Variants in ZNF208 observed in about 807,000 individuals in gnomAD.
The protein encoded by ZNF208 is zinc finger protein 208.
In ZNF208, 10 loss-of-function variants were observed where a neutral mutation model predicts 12.1. That is an observed-to-expected ratio of 0.83 (90% CI 0.51 to 1.40). The LOEUF (loss-of-function observed/expected upper bound fraction) is 1.40. Among genes scored for constraint, ZNF208 ranks in the 40% most tolerant of loss-of-function variants. The probability of loss-of-function intolerance (pLI) is 0.00; values close to 1 mark genes in which losing one functional copy is unlikely to be tolerated. For missense variants in ZNF208, 1,652 were observed against 1,485.0 expected (o/e 1.11, Z -1.85); for synonymous variants, 497 against 488.4 (o/e 1.02, Z -0.23).
rs1206629681 is a variant in ZNF208 at position 21,973,886 on chromosome 19, G to C, written c.1148C>G (p.Thr383Ser). Residue 383 changes from threonine to serine, a missense_variant, in exon 4 of 4, where the codon ACC (threonine) becomes AGC (serine). This residue lies in a region of ZNF208 where 1,239 missense variants were observed against 1,086.2 expected (regional missense o/e 1.14). Coordinates refer to ENST00000397126, the MANE Select transcript of ZNF208 (RefSeq NM_007153.3). ...ECGKAYKWPS[T>S]LSYHKKIHTG... is the part of the protein sequence containing the mutation. ...ATGAATTTTCTTATGATAACTAAGGGTTGAGGGCCACTTATAGGCTTTGCC... is the reference window on the plus strand; with the variant it reads ...ATGAATTTTCTTATGATAACTAAGGCTTGAGGGCCACTTATAGGCTTTGCC... The C allele has an allele frequency of 1.9e-6, 3 of 1,608,834 alleles. No individual in the cohort carries two copies. Among genetic ancestry groups the C allele is most frequent in the Admixed American group, 3.4e-5 (2 of 59,534 alleles).
chr19:21,977,883 C>G (rs566063662), intron 3 of ZNF208, among the ~76,000 whole-genome samples: 1 of 152,158 alleles, frequency 6.6e-6, no homozygotes, highest in African/African-American at 2.4e-5. Context: ...CTGGGAAGCT[C>G]GAGCTTGGTG....
chr19:21,972,314 T>C lies in ZNF208; in HGVS notation c.2720A>G (p.His907Arg), dbSNP rs749794314. The C allele has an allele frequency of 1.9e-6, 3 of 1,613,762 alleles. No individual in the cohort carries two copies. Among genetic ancestry groups the C allele is most frequent in the Admixed American group, 3.3e-5 (2 of 59,942 alleles). The change falls in exon 4 of 4, where the codon CAT becomes CGT. Residue 907 changes from histidine to arginine, a missense_variant. This residue lies in a region of ZNF208 where 1,239 missense variants were observed against 1,086.2 expected (regional missense o/e 1.14). Coordinates refer to ENST00000397126, the MANE Select transcript of ZNF208 (RefSeq NM_007153.3). ...GFSMFSILTK[H>R]EVIHTGEKPY... ...TTTCTCTCCAGTATGAATTACCTCA[T>C]GTTTAGTAAGGATGGAGAACATACT... is the stretch of plus-strand genomic sequence containing the variant.
Position 21,971,403 on chromosome 19 carries a change from T to C in ZNF208, c.3631A>G (p.Thr1211Ala). ...ECGKAYKWPS[T>A]LRYHKKIHTG... The stretch of plus-strand genomic sequence containing the variant: ...TGAATTTTCTTGTGATATCTAAGGG[T>C]TGAGGGCCACTTATAGGCTTTGCCA... Residue 1211 changes from threonine (T) to alanine (A), a missense_variant, in exon 4 of 4, where the codon ACC (threonine) becomes GCC (alanine). Physicochemically the swap from Thr to Ala is moderately conservative, Grantham distance 58. Transcript: ENST00000397126. 1 of 1,609,708 alleles carries C rather than the reference T, an allele frequency of 6.2e-7. No homozygotes were observed. The highest frequency in any genetic ancestry group is 2.2e-5 in the East Asian group (1 of 44,784).
At position 21,966,113 on chromosome 19, in the gene ZNF208, T is replaced by C. The variant is rs550685400; in HGVS notation, c.*5078A>G. 6.6e-6 allele frequency: 1 copy of C among 152,180 alleles called. No homozygotes were observed. The highest frequency in any genetic ancestry group is 1.9e-4 in the East Asian group (1 of 5,176). The allele number at this position is 152,180 out of a possible 1,614,324, so 9.4% of individuals were successfully genotyped here. On this transcript the variant is annotated 3_prime_UTR_variant, in exon 4 of 4. Transcript: ENST00000397126. ...CATGTCATTATACCAAAAAACATTT[T>C]ATTATTTTTATTTTATATTTAAGGT...
At chr19:21,974,828 C>A in intron 3 of ZNF208, 21 bp from the exon 4 acceptor site, 2 of 1,509,596 alleles carry the variant, frequency 1.3e-6, no homozygotes, top group Non-Finnish European at 8.8e-7. Context: ...ATAAAAATCA[C>A]AAATTAGCCT....
In ZNF208 at chr19:21,971,181, C is replaced by T; in HGVS notation, c.*10G>A. 1.2e-6 allele frequency: 2 copies of T among 1,612,226 alleles called. No homozygotes were observed. Among genetic ancestry groups the T allele is most frequent in the Non-Finnish European group, 1.7e-6 (2 of 1,179,618 alleles). ...GGCCACTTATAGGCTTTGCCACATT[C>T]TTCACATTTCTAGAGTTTCTCTCCA... is the stretch of plus-strand genomic sequence containing the variant. On this transcript the variant is annotated 3_prime_UTR_variant, in exon 4 of 4. Coordinates refer to ENST00000397126, the MANE Select transcript of ZNF208 (RefSeq NM_007153.3).
rs1970364774 is a variant in ZNF208 at position 21,973,840 on chromosome 19, T to A, written c.1194A>T (p.Lys398Asn). The A allele has an allele frequency of 1.9e-6, 3 of 1,613,586 alleles. No homozygotes were observed. Among genetic ancestry groups the A allele is most frequent in the Non-Finnish European group, 2.5e-6 (3 of 1,179,870 alleles). ...TAAAACCTTTGCCACATTCTTCACATTTGTAGGGTTTCTCTCCAGTATGAA... is the reference window on the plus strand; with the variant it reads ...TAAAACCTTTGCCACATTCTTCACAATTGTAGGGTTTCTCTCCAGTATGAA... The part of the protein sequence containing the change: ...KKIHTGEKPY[K>N]CEECGKGFSM... Residue 398 changes from lysine to asparagine, a missense_variant, in exon 4 of 4, where the codon AAA (lysine) becomes AAT (asparagine). Physicochemically the swap from Lys to Asn is moderately conservative, Grantham distance 94. Coordinates refer to ENST00000397126, the MANE Select transcript of ZNF208 (RefSeq NM_007153.3).
Position 21,972,115 on chromosome 19 carries a change from G to C in ZNF208, c.2919C>G (p.Tyr973Ter), listed in dbSNP as rs1202750833. 4 of 1,609,976 alleles carry C rather than the reference G, an allele frequency of 2.5e-6. No individual in the cohort carries two copies. In the Admixed American group the frequency reaches 6.7e-5, roughly 27 times the overall value. ...AGCCTTTGCCACATTCTTCATATTTGTAAGGTTTCTCTTCAGTATGAATTT... is the reference window on the plus strand; with the variant it reads ...AGCCTTTGCCACATTCTTCATATTTCTAAGGTTTCTCTTCAGTATGAATTT... ...HKKIHTEEKPYKYEECGKGFS... is the reference protein window; with the variant it reads ...HKKIHTEEKP Residue 973 changes from tyrosine (Y) to a stop codon, truncating the protein, a stop_gained, in exon 4 of 4, where the codon TAC (tyrosine) becomes TAG (stop). Transcript: ENST00000397126. LOFTEE classifies it low-confidence loss of function (END_TRUNC).
At chr19:21,990,085 C>T (rs80045812) in intron 1 of ZNF208, among the ~76,000 whole-genome samples, 92,502 of 151,700 alleles carry the variant, frequency 0.61, 28,780 homozygotes, top group African/African-American at 0.71. Context: ...CTCTTTAGTT[C>T]AATTAGATCC....
chr19:21,949,713 C>A (rs1969863008), intron 4 of ZNF208, among the ~76,000 whole-genome samples: 1 of 152,160 alleles, frequency 6.6e-6, no homozygotes, highest in Non-Finnish European at 1.5e-5. Context: ...GGAGTTTTAA[C>A]TAAGGCTTAA....
chr19:21,968,225 T>C lies in ZNF208; in HGVS notation c.*2966A>G, dbSNP rs1181449130. The C allele has an allele frequency of 6.6e-6, 1 of 152,174 alleles. No homozygotes were observed. The highest frequency in any genetic ancestry group is 1.5e-5 in the Non-Finnish European group (1 of 68,016). 9.4% of individuals were successfully genotyped at this position (152,174 alleles called of 1,614,324 possible). A position where few individuals can be genotyped will look rare whatever the true frequency, so the allele number is the denominator to read the frequency against. ...TTGTTTTCTGTTTGGATTCCTTTTATTCTCTGGCTAGGATTTCATAACTTC... is the reference window on the plus strand; with the variant it reads ...TTGTTTTCTGTTTGGATTCCTTTTACTCTCTGGCTAGGATTTCATAACTTC... On this transcript the variant is annotated 3_prime_UTR_variant, in exon 4 of 4. Coordinates refer to ENST00000397126, the MANE Select transcript of ZNF208 (RefSeq NM_007153.3).
chr19:21,948,493 C>A (rs1224254129), intron 4 of ZNF208, among the ~76,000 whole-genome samples: 3 of 152,186 alleles, frequency 2.0e-5, no homozygotes, highest in African/African-American at 7.2e-5. Context: ...TATTTTGGGC[C>A]CCCAATACCC....
chr19:21,995,646 T>C (rs531910931), intron 1 of ZNF208, among the ~76,000 whole-genome samples: 1 of 152,308 alleles, frequency 6.6e-6, no homozygotes, highest in Non-Finnish European at 1.5e-5. Context: ...ATCCGGGTTG[T>C]CCGTCCTGAT....
intron 4 of ZNF208, among the ~76,000 whole-genome samples, chr19:21,948,097 GA>G (rs1969840173): frequency 1.3e-5 from 2 of 152,178 alleles, no homozygotes; most frequent in African/African-American, 4.8e-5. Context: ...ACACCAAAAA[GA>G]GAAAGGGGAC....
chr19:21,981,200 C>T (rs983179468), intron 3 of ZNF208, among the ~76,000 whole-genome samples: 4 of 152,136 alleles, frequency 2.6e-5, no homozygotes, highest in African/African-American at 4.8e-5. Flanking sequence ...TCCTGTCTAA[C>T]TCATTTTATG....
intron 1 of ZNF208, chr19:21,991,663 C>T (rs1340303924): frequency 6.6e-6 from 1 of 151,468 alleles, no homozygotes; most frequent in Non-Finnish European, 1.5e-5. Flanking sequence ...TCGCTTGAAC[C>T]CGCGAGGCAG....
chr19:21,943,992 C>G (rs1316340940), intron 4 of ZNF208, among the ~76,000 whole-genome samples: 10 of 152,190 alleles, frequency 6.6e-5, no homozygotes, highest in Non-Finnish European at 1.2e-4. Context: ...ATGCCATAGA[C>G]AAACTAAGAC....
chr19:21,987,080 T>A lies in ZNF208; in HGVS notation c.226+136A>T, dbSNP rs778993066. The A allele has an allele frequency of 9.2e-6, 8 of 870,440 alleles. No individual in the cohort carries two copies. In the South Asian group the frequency reaches 1.8e-4, roughly 19 times the overall value. 53.9% of individuals were successfully genotyped at this position (870,440 alleles called of 1,614,324 possible). ...AAGATGCCCCTGTGTGAGAGAAAAT[T>A]AAAGAATAAAAATAAAAATTAGTCT... On this transcript the variant is annotated intron_variant, in intron 3 of 3. Coordinates refer to ENST00000397126, the MANE Select transcript of ZNF208 (RefSeq NM_007153.3).
At position 21,967,932 on chromosome 19, in the gene ZNF208, G is replaced by T. The variant is rs1413314671; in HGVS notation, c.*3259C>A. On this transcript the variant is annotated 3_prime_UTR_variant, in exon 4 of 4. Coordinates refer to ENST00000397126, the MANE Select transcript of ZNF208 (RefSeq NM_007153.3). ...TCGTTTCTTTCAGCAATGTTTTGTT[G>T]TTCTTTGTAGAGATATTTTACCCCC... 6.6e-6 allele frequency: 1 copy of T among 151,940 alleles called. No homozygotes were observed. The highest frequency in any genetic ancestry group is 1.5e-5 in the Non-Finnish European group (1 of 67,972). 9.4% of individuals were successfully genotyped at this position (151,940 alleles called of 1,614,324 possible).
Sources: allele counts gnomAD v4.1 joint callset (sites outside exome capture counted in the v4.1 genomes callset), GRCh38; gene constraint gnomAD v4.1.1; regional missense constraint gnomAD v4.1.1; transcripts MANE v1.5; gene names NCBI Gene and HGNC (gene_info 2026-07-23, HGNC 2026-07-21).